Variants in SLC8A1 observed in about 807,000 individuals in gnomAD.
SLC8A1 encodes sodium/calcium exchanger 1.
In SLC8A1, 18 loss-of-function variants were observed where a neutral mutation model predicts 68.3. That is an observed-to-expected ratio of 0.26 (90% CI 0.18 to 0.39). SLC8A1 has a LOEUF of 0.39. Among genes scored for constraint, SLC8A1 ranks in the 10% least tolerant of loss-of-function variants. The pLI, the probability that SLC8A1 is intolerant of heterozygous loss-of-function variation, is 1.00. For synonymous variants in SLC8A1, 475 were observed against 415.5 expected (o/e 1.14, Z -1.74); for missense variants, 985 against 1,156.7 (o/e 0.85, Z 2.15).
At chr2:40,133,555 G>A (rs1338292932) in intron 7 of SLC8A1, among the ~76,000 whole-genome samples, 4 of 152,036 alleles carry the variant, frequency 2.6e-5, no homozygotes, top group Non-Finnish European at 5.9e-5. Context: ...CTAAAGGACA[G>A]CCTATCATAC....
intron 2 of SLC8A1, among the ~76,000 whole-genome samples, chr2:40,198,726 T>G (rs1404348818): frequency 6.6e-6 from 1 of 151,886 alleles, no homozygotes; most frequent in Non-Finnish European, 1.5e-5. Flanking sequence ...AACACTGGCA[T>G]GATACTGGGT....
At chr2:40,192,727 G>T (rs977251569) in intron 2 of SLC8A1, among the ~76,000 whole-genome samples, 1 of 151,900 alleles carries the variant, frequency 6.6e-6, no homozygotes, top group Non-Finnish European at 1.5e-5. Flanking sequence ...AATATTTGTT[G>T]GTCCTGAATA....
At chr2:40,320,053 A>AT (rs2074999509) in intron 2 of SLC8A1, among the ~76,000 whole-genome samples, 1 of 152,110 alleles carries the variant, frequency 6.6e-6, no homozygotes, top group Non-Finnish European at 1.5e-5. Context: ...ACAATTTAAG[A>AT]GATGGGACTC....
At position 40,325,653 on chromosome 2, in the gene SLC8A1, T is replaced by G. The variant is rs375013165; in HGVS notation, c.1808+102820A>C. On this transcript the variant is annotated intron_variant, in intron 2 of 7. Coordinates refer to ENST00000406785, the Ensembl canonical transcript of SLC8A1. Reference sequence around the variant, plus strand: ...TGATTTCAGTCATAAAAAATAAGCATCTCTTGGGCCGGGCGCACGCCTGTA... The same window carrying G: ...TGATTTCAGTCATAAAAAATAAGCAGCTCTTGGGCCGGGCGCACGCCTGTA... Among the ~76,000 whole-genome samples the G allele has an allele frequency of 3.3e-5, 5 of 151,350 alleles. No individual in the cohort carries two copies. The East Asian group carries it at 5.9e-4, about 18-fold the overall frequency.
intron 2 of SLC8A1, among the ~76,000 whole-genome samples, chr2:40,240,874 G>A (rs1004701776): frequency 1.1e-4 from 16 of 151,722 alleles, no homozygotes; most frequent in African/African-American, 2.2e-4. Context: ...ATGATACCCC[G>A]ACTCAAAAAA....
chr2:40,252,503 T>G (rs1190971012), intron 2 of SLC8A1, among the ~76,000 whole-genome samples: 1 of 152,040 alleles, frequency 6.6e-6, no homozygotes, highest in Non-Finnish European at 1.5e-5. Context: ...CAACTAATTT[T>G]TTGTGCCTTT....
intron 1 of SLC8A1, among the ~76,000 whole-genome samples, chr2:40,501,683 T>C (rs1362522653): frequency 6.6e-6 from 1 of 152,120 alleles, no homozygotes; most frequent in Non-Finnish European, 1.5e-5. Flanking sequence ...TGTACTTCAA[T>C]GTGTGGATGG....
At chr2:40,366,302 C>G (rs1365875651) in intron 2 of SLC8A1, among the ~76,000 whole-genome samples, 1 of 152,016 alleles carries the variant, frequency 6.6e-6, no homozygotes, top group Non-Finnish European at 1.5e-5. Flanking sequence ...ATAGTGCTGA[C>G]ACATGGTAGT....
chr2:40,313,977 T>C (rs894520822), intron 2 of SLC8A1, among the ~76,000 whole-genome samples: 1 of 152,122 alleles, frequency 6.6e-6, no homozygotes, highest in Non-Finnish European at 1.5e-5. Context: ...GTCTAGCCTG[T>C]CTTTTCCTTC....
At chr2:40,159,631 A>G (rs1447011776) in intron 6 of SLC8A1, among the ~76,000 whole-genome samples, 3 of 152,202 alleles carry the variant, frequency 2.0e-5, no homozygotes, top group Non-Finnish European at 4.4e-5. Flanking sequence ...AGAAAAACAT[A>G]AGAAATAAAA....
exon 8 of SLC8A1, chr2:40,113,244 C>T (rs996939283): frequency 1.3e-5 from 2 of 152,608 alleles, no homozygotes; most frequent in African/African-American, 4.8e-5. Context: ...TAAGTCTCAA[C>T]AGCTTTAATT....
At chr2:40,316,099 C>T (rs1490648021) in intron 2 of SLC8A1, among the ~76,000 whole-genome samples, 1 of 152,054 alleles carries the variant, frequency 6.6e-6, no homozygotes, top group African/African-American at 2.4e-5. Context: ...GACAAGACAA[C>T]CTCTGTGGGT....
chr2:40,506,981 T>A (rs370596743), intron 1 of SLC8A1, among the ~76,000 whole-genome samples: 48 of 152,094 alleles, frequency 3.2e-4, no homozygotes, highest in African/African-American at 1.1e-3. Context: ...TGTAAAATTA[T>A]TGCTTTATAA....
intron 5 of SLC8A1, among the ~76,000 whole-genome samples, chr2:40,163,183 T>C (rs189237811): frequency 1.3e-5 from 2 of 152,286 alleles, no homozygotes; most frequent in East Asian, 1.9e-4. Context: ...CAGATCATTA[T>C]AGTGGTTACC....
At chr2:40,219,722 C>T (rs139563855) in intron 2 of SLC8A1, among the ~76,000 whole-genome samples, 98 of 152,138 alleles carry the variant, frequency 6.4e-4, no homozygotes, top group African/African-American at 2.3e-3. Context: ...CAGTTTATAG[C>T]AATAATGATT....
At chr2:40,289,052 A>G (rs1035785712) in intron 2 of SLC8A1, among the ~76,000 whole-genome samples, 8 of 151,818 alleles carry the variant, frequency 5.3e-5, no homozygotes, top group African/African-American at 1.7e-4. Context: ...TCTATAAACC[A>G]TATTAGTTTC....
chr2:40,422,105 C>T (rs994834726), intron 2 of SLC8A1, among the ~76,000 whole-genome samples: 3 of 152,134 alleles, frequency 2.0e-5, no homozygotes, highest in Admixed American at 1.3e-4. Context: ...AAGGCAGTTA[C>T]GAAGATTATC....
chr2:40,268,967 A>G (rs1209004684), intron 2 of SLC8A1, among the ~76,000 whole-genome samples: 1 of 152,206 alleles, frequency 6.6e-6, no homozygotes, highest in African/African-American at 2.4e-5. Context: ...TAAGGAACAC[A>G]ATTCAGAGAA....
chr2:40,133,108 T>C (rs1211474976), intron 7 of SLC8A1, among the ~76,000 whole-genome samples: 1 of 152,196 alleles, frequency 6.6e-6, no homozygotes, highest in East Asian at 1.9e-4. Context: ...AGGCTGATTT[T>C]ACAGGCCCAG....
Sources: gnomAD v4.1 joint callset for allele counts (sites outside exome capture counted in the v4.1 genomes callset) on GRCh38, gnomAD v4.1.1 for gene constraint, MANE v1.5 for transcripts, NCBI Gene and HGNC (gene_info 2026-07-23, HGNC 2026-07-21) for gene names.